The following ZFR variants were observed in gnomAD, a reference collection of about 807,000 sequenced individuals.
ZFR encodes zinc finger RNA binding protein.
ZFR carries 19 observed loss-of-function variants against 130.7 expected under a neutral mutation model. The observed-to-expected ratio is 0.15, with a 90% confidence interval of 0.10 to 0.21. The LOEUF (loss-of-function observed/expected upper bound fraction) is 0.21. Among genes scored for constraint, ZFR ranks in the 10% least tolerant of loss-of-function variants. The probability of loss-of-function intolerance (pLI) is 1.00; values close to 1 mark genes in which losing one functional copy is unlikely to be tolerated. For synonymous variants in ZFR, 466 were observed against 456.9 expected (o/e 1.02, Z -0.25); for missense variants, 872 against 1,321.5 (o/e 0.66, Z 5.27).
chr5:32,413,223 C>A (rs111652452), intron 5 of ZFR, among the ~76,000 whole-genome samples: 2 of 137,608 alleles, frequency 1.5e-5, no homozygotes, highest in African/African-American at 5.7e-5. Context: ...AAACAAAAAA[C>A]AAAACAAAAC....
intron 4 of ZFR, among the ~76,000 whole-genome samples, chr5:32,415,726 T>C (rs972781937): frequency 6.6e-6 from 1 of 152,178 alleles, no homozygotes; most frequent in African/African-American, 2.4e-5. Context: ...ATTTTTCAAA[T>C]GTCAATAACT....
At chr5:32,410,309 A>G (rs1753675072) in intron 5 of ZFR, among the ~76,000 whole-genome samples, 2 of 135,642 alleles carry the variant, frequency 1.5e-5, no homozygotes, top group African/African-American at 5.6e-5. Flanking sequence ...AAAAAAAAAA[A>G]TGTACTTTCA....
intron 19 of ZFR, among the ~76,000 whole-genome samples, chr5:32,363,521 T>A (rs896156894): frequency 6.6e-6 from 1 of 152,154 alleles, no homozygotes; most frequent in Admixed American, 6.5e-5. Context: ...GGAGTCTGTC[T>A]CCAGAGCCCA....
At chr5:32,379,483 A>G in intron 16 of ZFR, 1 of 208,610 alleles carries the variant, frequency 4.8e-6, no homozygotes, top group South Asian at 4.6e-5. Context: ...CATTTAAAAC[A>G]GTAAACTTAA....
intron 5 of ZFR, among the ~76,000 whole-genome samples, chr5:32,408,419 G>C (rs1753626111): frequency 6.6e-6 from 1 of 151,148 alleles, no homozygotes; most frequent in South Asian, 2.1e-4. Flanking sequence ...AATTCATAAA[G>C]TTACATTTCT....
intron 2 of ZFR, among the ~76,000 whole-genome samples, chr5:32,424,971 T>C (rs1754042209): frequency 6.6e-6 from 1 of 152,216 alleles, no homozygotes; most frequent in African/African-American, 2.4e-5. Context: ...AGAGTACTCA[T>C]ATACTGTCTA....
chr5:32,402,768 GCT>G (rs1218990320), intron 8 of ZFR, among the ~76,000 whole-genome samples: 1 of 141,252 alleles, frequency 7.1e-6, no homozygotes, highest in Non-Finnish European at 1.5e-5. Flanking sequence ...ACAGAGTGGG[GCT>G]CTGTCTCAAA....
intron 19 of ZFR, among the ~76,000 whole-genome samples, chr5:32,361,601 C>T: frequency 6.6e-6 from 1 of 150,816 alleles, no homozygotes; most frequent in East Asian, 1.9e-4. Context: ...GATATTCTTA[C>T]TAAGCATCAG....
intron 19 of ZFR, among the ~76,000 whole-genome samples, chr5:32,362,526 T>TGA (rs1752459477): frequency 6.6e-6 from 1 of 152,216 alleles, no homozygotes; most frequent in Non-Finnish European, 1.5e-5. Context: ...TGTGCATGTG[T>TGA]GTATAGCTCT....
chr5:32,420,018 T>C lies in ZFR; in HGVS notation c.223A>G (p.Thr75Ala), dbSNP rs1412500887. 8.7e-6 allele frequency: 14 copies of C among 1,613,714 alleles called. No individual in the cohort carries two copies. The highest frequency in any genetic ancestry group is 1.2e-5 in the Non-Finnish European group (14 of 1,180,010). The change falls in exon 3 of 20, where the codon ACA (threonine) becomes GCA (alanine). Residue 75 changes from threonine (T) to alanine (A), a missense_variant. Thr to Ala is a moderately conservative substitution (Grantham distance 58). This residue lies in a region of ZFR where 240 missense variants were observed against 441.2 expected (regional missense o/e 0.54). Coordinates refer to ENST00000265069, the MANE Select transcript of ZFR (RefSeq NM_016107.5). The part of the protein sequence containing the change: ...TVHQAPVAAH[T>A]VTAAYAPAAA... Reference sequence around the variant, plus strand: ...GCTGGTGCATAGGCAGCAGTAACTGTGTGAGCAGCTACTGGAGCCTGATGG... The same window carrying C: ...GCTGGTGCATAGGCAGCAGTAACTGCGTGAGCAGCTACTGGAGCCTGATGG...
chr5:32,375,817 T>C (rs1288540847), intron 17 of ZFR, among the ~76,000 whole-genome samples: 1 of 151,792 alleles, frequency 6.6e-6, no homozygotes, highest in Non-Finnish European at 1.5e-5. Flanking sequence ...CGGTTGATCT[T>C]TCATCTATCG....
At chr5:32,390,520 T>C in intron 11 of ZFR, 83 bp from the exon 12 acceptor site, 2 of 1,347,420 alleles carry the variant, frequency 1.5e-6, no homozygotes, top group Non-Finnish European at 9.9e-7. Context: ...TAAAAAGCAA[T>C]AAAAAACCCC....
chr5:32,375,761 G>A (rs917877695), intron 17 of ZFR, among the ~76,000 whole-genome samples: 1 of 152,010 alleles, frequency 6.6e-6, no homozygotes, highest in Non-Finnish European at 1.5e-5. Flanking sequence ...CCTGCCTCGG[G>A]CCTCTCAAAT....
chr5:32,375,017 A>G (rs1451208664), intron 17 of ZFR, among the ~76,000 whole-genome samples: 5 of 152,232 alleles, frequency 3.3e-5, no homozygotes, highest in African/African-American at 1.2e-4. Flanking sequence ...CAAAGAGCAC[A>G]GAAACAAAAC....
Position 32,379,189 on chromosome 5 carries a change from A to G in ZFR, c.2761T>C (p.Ser921Pro), listed in dbSNP as rs1752887351. 6.2e-7 allele frequency: 1 copy of G among 1,614,000 alleles called. No homozygotes were observed. The highest frequency in any genetic ancestry group is 2.2e-5 in the East Asian group (1 of 44,840). Residue 921 changes from serine to proline, a missense_variant, in exon 17 of 20, where the codon TCC becomes CCC. Physicochemically the swap from Ser to Pro is moderately conservative, Grantham distance 74 (BLOSUM62 -1). This residue lies in a region of ZFR where 158 missense variants were observed against 264.0 expected (regional missense o/e 0.60). Transcript: ENST00000265069. ...AGAATGCGTATGATAATCACACAGG[A>G]CTGCAGACCATTAGCTCTAGCCTTG... ...WFQARANGLQ[S>P]CVIIIRILRD... is the part of the protein sequence containing the mutation.
At chr5:32,411,707 T>A (rs59545247) in intron 5 of ZFR, among the ~76,000 whole-genome samples, 8 of 43,452 alleles carry the variant, frequency 1.8e-4, no homozygotes, top group Non-Finnish European at 2.9e-4. Flanking sequence ...AAAAAAAAAT[T>A]GAGGGGGGGC....
At chr5:32,358,487 C>A (rs111435198) in intron 19 of ZFR, among the ~76,000 whole-genome samples, 1 of 152,250 alleles carries the variant, frequency 6.6e-6, no homozygotes, top group South Asian at 2.1e-4. Flanking sequence ...GGTGAAACCC[C>A]GTCTCTACTA....
intron 11 of ZFR, 72 bp downstream of exon 11, chr5:32,395,087 C>CAT (rs1339123049): frequency 9.5e-5 from 140 of 1,470,512 alleles, no homozygotes; most frequent in Non-Finnish European, 1.2e-4. Context: ...ATGGGAGTCA[C>CAT]ATGCTCAGAA....
rs183187913 is a variant in ZFR at position 32,404,787 on chromosome 5, G to A, written c.1033-690C>T. 4.2e-4 allele frequency among the ~76,000 whole-genome samples: 64 copies of A among 152,266 alleles called. 1 individual carries two copies. The highest frequency in any genetic ancestry group is 1.5e-3 in the African/African-American group (63 of 41,556). Reference sequence around the variant, plus strand: ...CGAGAGGATATTAGTAAGAACAACTGGACAGTTTTGTGAGTAGGACCAAAT... The same window carrying A: ...CGAGAGGATATTAGTAAGAACAACTAGACAGTTTTGTGAGTAGGACCAAAT... On this transcript the variant is annotated intron_variant, in intron 6 of 19. Coordinates refer to ENST00000265069, the MANE Select transcript of ZFR (RefSeq NM_016107.5).
Sources: gnomAD v4.1 joint callset for allele counts (sites outside exome capture counted in the v4.1 genomes callset) on GRCh38, gnomAD v4.1.1 for gene constraint, gnomAD v4.1.1 regional missense constraint, MANE v1.5 for transcripts, NCBI Gene and HGNC (gene_info 2026-07-23, HGNC 2026-07-21) for gene names.